MICU1: variants seen among roughly 807,000 people sequenced by gnomAD.
MICU1 encodes the protein calcium uptake protein 1, mitochondrial.
In MICU1, 45 loss-of-function variants were observed where a neutral mutation model predicts 56.8. That is an observed-to-expected ratio of 0.79 (90% confidence interval 0.62 to 1.02). MICU1 has a LOEUF of 1.02. Ranked by LOEUF, MICU1 falls within the 50% of genes least tolerant of loss-of-function variation. The pLI is 0.00. For missense variants in MICU1, 504 were observed against 587.1 expected, an observed-to-expected ratio of 0.86 and a Z score of 1.46; for synonymous variants, 186 against 195.1, an observed-to-expected ratio of 0.95 and a Z score of 0.39.
At chr10:72,564,024 A>G (rs1001072161) in intron 2 of MICU1, among the ~76,000 whole-genome samples, 14 of 152,218 alleles carry the variant, frequency 9.2e-5, no homozygotes, top group Admixed American at 7.9e-4. Context: ...AAAAAATAAT[A>G]TAAGTATTTC....
At chr10:72,384,007 T>A (rs11000281) in intron 10 of MICU1, among the ~76,000 whole-genome samples, 5,931 of 151,922 alleles carry the variant, frequency 0.039, 155 homozygotes, top group South Asian at 0.1. Flanking sequence ...AATTTTTTTT[T>A]AATTGAGACA....
chr10:72,518,834 C>T (rs1007439517), intron 5 of MICU1, among the ~76,000 whole-genome samples: 2 of 152,100 alleles, frequency 1.3e-5, no homozygotes, highest in African/African-American at 4.8e-5. Flanking sequence ...GCATGTGCCA[C>T]CATGCCTGGC....
At chr10:72,553,234 C>CCT (rs1347197938) in intron 3 of MICU1, among the ~76,000 whole-genome samples, 1 of 129,044 alleles carries the variant, frequency 7.7e-6, no homozygotes, top group African/African-American at 2.8e-5. Context: ...TACCTTTCTT[C>CCT]TTTTTTTTTT....
intron 8 of MICU1, among the ~76,000 whole-genome samples, chr10:72,448,157 GTGTGTATA>G (rs1449413988): frequency 1.2e-5 from 1 of 80,888 alleles, no homozygotes; most frequent in Non-Finnish European, 2.9e-5. Context: ...GTGTCTGTGT[GTGTGTATA>G]TGTGTGTGTA....
At chr10:72,567,650 C>T (rs1209155816) in intron 1 of MICU1, among the ~76,000 whole-genome samples, 2 of 152,146 alleles carry the variant, frequency 1.3e-5, no homozygotes, top group African/African-American at 4.8e-5. Flanking sequence ...AGCTGACCTT[C>T]GCGATGCCAG....
chr10:72,605,956 C>T (rs1368003397), intron 1 of MICU1, among the ~76,000 whole-genome samples: 2 of 151,244 alleles, frequency 1.3e-5, no homozygotes, highest in Non-Finnish European at 2.9e-5. Flanking sequence ...CATGGTGAAA[C>T]CCTATCTCTA....
intron 8 of MICU1, among the ~76,000 whole-genome samples, chr10:72,468,772 G>A (rs995229196): frequency 6.6e-6 from 1 of 152,176 alleles, no homozygotes; most frequent in Non-Finnish European, 1.5e-5. Context: ...CATAAGACTT[G>A]AGTGGCAAAG....
chr10:72,594,682 T>C (rs1841321678), intron 1 of MICU1, among the ~76,000 whole-genome samples: 1 of 152,066 alleles, frequency 6.6e-6, no homozygotes, highest in Non-Finnish European at 1.5e-5. Flanking sequence ...GAGGACTGCT[T>C]GAGGCCCAGA....
intron 1 of MICU1, among the ~76,000 whole-genome samples, chr10:72,608,075 T>G (rs1841741145): frequency 6.7e-6 from 1 of 149,798 alleles, no homozygotes. Context: ...AATCAAATAA[T>G]TTTTTTTTTG....
intron 6 of MICU1, among the ~76,000 whole-genome samples, chr10:72,494,356 G>A (rs1485265014): frequency 6.6e-6 from 1 of 152,076 alleles, no homozygotes; most frequent in East Asian, 1.9e-4. Context: ...GACTTCTAGG[G>A]ACAATCTAGT....
At chr10:72,472,530 G>T (rs1244617933) in intron 8 of MICU1, among the ~76,000 whole-genome samples, 1 of 151,866 alleles carries the variant, frequency 6.6e-6, no homozygotes, top group Non-Finnish European at 1.5e-5. Flanking sequence ...GTGCAAGGAA[G>T]TTAGAATAGG....
chr10:72,477,044 T>C, intron 7 of MICU1, 130 bp downstream of exon 7: 1 of 565,566 alleles, frequency 1.8e-6, no homozygotes, highest in Non-Finnish European at 3.0e-6. Context: ...TTTTGAGAAA[T>C]GACATTTTAG....
chr10:72,395,110 C>T (rs1030968080), intron 10 of MICU1, among the ~76,000 whole-genome samples: 10 of 152,056 alleles, frequency 6.6e-5, no homozygotes, highest in African/African-American at 2.4e-4. Context: ...ACCCAGGAGG[C>T]GGTGCTTGCA....
Position 72,571,091 on chromosome 10 carries a change from C to T in MICU1, c.-1-4297G>A, listed in dbSNP as rs180996434. Among the ~76,000 whole-genome samples the T allele has an allele frequency of 4.0e-4, 61 of 152,158 alleles. 1 individual carries two copies. The East Asian group carries it at 6.8e-3, about 17-fold the overall frequency. On this transcript the variant is annotated intron_variant, in intron 1 of 11. Transcript: ENST00000361114. ...TTCAAAAGTTGGAACAGGATGAGTG[C>T]AGTGGCTCACACCTGTAATCCCAGC...
chr10:72,501,204 AG>A (rs2132329606), intron 6 of MICU1, among the ~76,000 whole-genome samples: 1 of 152,262 alleles, frequency 6.6e-6, no homozygotes, highest in South Asian at 2.1e-4. Flanking sequence ...AGCTGATTAG[AG>A]AGATAAGGTT....
chr10:72,512,585 T>C (rs1867506840), intron 5 of MICU1, among the ~76,000 whole-genome samples: 1 of 152,242 alleles, frequency 6.6e-6, no homozygotes, highest in Non-Finnish European at 1.5e-5. Context: ...CTTTTGGTTA[T>C]TCATGTATGA....
chr10:72,515,295 T>C (rs1339415689), intron 5 of MICU1, among the ~76,000 whole-genome samples: 2 of 152,240 alleles, frequency 1.3e-5, no homozygotes, highest in Admixed American at 1.3e-4. Context: ...ATTCTAGAGA[T>C]CTGAACAAGT....
chr10:72,396,971 G>A (rs1353830760), intron 10 of MICU1, among the ~76,000 whole-genome samples: 2 of 152,092 alleles, frequency 1.3e-5, no homozygotes, highest in Non-Finnish European at 2.9e-5. Context: ...GGGACCCCAA[G>A]ACACAGTTGT....
chr10:72,502,148 T>G (rs1279500781), intron 6 of MICU1, among the ~76,000 whole-genome samples: 1 of 99,308 alleles, frequency 1.0e-5, no homozygotes, highest in Non-Finnish European at 2.7e-5. Flanking sequence ...GTTTTGCTGT[T>G]TTTTTTTTTG....
Sources: gnomAD v4.1 joint callset for allele counts (sites outside exome capture counted in the v4.1 genomes callset) on GRCh38, gnomAD v4.1.1 for gene constraint, MANE v1.5 for transcripts, NCBI Gene and HGNC (gene_info 2026-07-23, HGNC 2026-07-21) for gene names.